DDC: variants seen among roughly 807,000 people sequenced by gnomAD.
DDC encodes the protein dopa decarboxylase.
A neutral mutation model predicts 60.0 loss-of-function variants in DDC; 43 were observed. That is an observed-to-expected ratio of 0.72 (90% CI 0.56 to 0.92). The LOEUF (loss-of-function observed/expected upper bound fraction) is 0.92, where lower values mean the gene tolerates loss of function less well. Among genes scored for constraint, DDC ranks in the 40% least tolerant of loss-of-function variants. The probability of loss-of-function intolerance (pLI) is 0.00; values close to 1 mark genes in which losing one functional copy is unlikely to be tolerated. For missense variants in DDC, 573 were observed against 620.2 expected (o/e 0.92, Z 0.81); for synonymous variants, 232 against 234.6 (o/e 0.99, Z 0.10).
At chr7:50,515,734 C>A (rs903532875) in intron 6 of DDC, among the ~76,000 whole-genome samples, 2 of 152,106 alleles carry the variant, frequency 1.3e-5, no homozygotes, top group African/African-American at 4.8e-5. Context: ...TGGAAAAAGG[C>A]ATTTCATGCA....
At chr7:50,475,810 C>T (rs2042629847) in intron 11 of DDC, among the ~76,000 whole-genome samples, 1 of 152,088 alleles carries the variant, frequency 6.6e-6, no homozygotes, top group South Asian at 2.1e-4. Context: ...CTGCCTCAGC[C>T]TCCGGGGTAG....
chr7:50,559,151 C>A (rs2045274877), intron 1 of DDC, among the ~76,000 whole-genome samples: 2 of 152,224 alleles, frequency 1.3e-5, no homozygotes, highest in South Asian at 4.1e-4. Flanking sequence ...AGCCTGATCC[C>A]CTTTACAGCA....
intron 1 of DDC, among the ~76,000 whole-genome samples, chr7:50,554,090 T>C (rs1341382567): frequency 6.6e-6 from 1 of 152,188 alleles, no homozygotes; most frequent in Non-Finnish European, 1.5e-5. Context: ...CACCACCAAG[T>C]GTCAGGCAGA....
intron 6 of DDC, among the ~76,000 whole-genome samples, chr7:50,504,731 G>A (rs948697750): frequency 6.6e-6 from 1 of 152,036 alleles, no homozygotes; most frequent in Non-Finnish European, 1.5e-5. Flanking sequence ...ACGTGTGTGT[G>A]TGCATACACC....
chr7:50,460,793 G>A (rs1026432679), intron 14 of DDC, among the ~76,000 whole-genome samples: 4 of 151,660 alleles, frequency 2.6e-5, no homozygotes, highest in Non-Finnish European at 5.9e-5. Context: ...GTCCACTCAG[G>A]GTTAAATGGA....
intron 13 of DDC, among the ~76,000 whole-genome samples, chr7:50,466,120 C>G (rs1174001188): frequency 6.6e-6 from 1 of 152,190 alleles, no homozygotes; most frequent in South Asian, 2.1e-4. Context: ...CTGACCCCAG[C>G]CTGCTCCTTC....
At chr7:50,465,532 T>C (rs1348463594) in intron 13 of DDC, among the ~76,000 whole-genome samples, 2 of 152,132 alleles carry the variant, frequency 1.3e-5, no homozygotes, top group Non-Finnish European at 2.9e-5. Flanking sequence ...CCACCACTCC[T>C]GACTAATTTT....
intron 6 of DDC, among the ~76,000 whole-genome samples, chr7:50,517,953 T>A (rs1049194026): frequency 2.0e-5 from 3 of 151,682 alleles, no homozygotes; most frequent in African/African-American, 7.3e-5. Flanking sequence ...CTCACACTTG[T>A]AATCCCAGCA....
chr7:50,511,730 A>G (rs1380647311), intron 6 of DDC, among the ~76,000 whole-genome samples: 5 of 152,312 alleles, frequency 3.3e-5, no homozygotes, highest in East Asian at 3.9e-4. Context: ...CTCCATCTCA[A>G]AAAGAAAAAA....
At chr7:50,474,511 C>T (rs529269112) in intron 11 of DDC, among the ~76,000 whole-genome samples, 1 of 152,284 alleles carries the variant, frequency 6.6e-6, no homozygotes, top group Non-Finnish European at 1.5e-5. Context: ...CTGCCACCTT[C>T]GTGGTCCTGC....
Position 50,547,603 on chromosome 7 carries a change from G to A in DDC, c.-28-3490C>T, listed in dbSNP as rs560208717. ...TCACAACATGTACCTCTATTGTTGA[G>A]CATTTATATTATTTCCAATTTTCAC... On this transcript the variant is annotated intron_variant, in intron 1 of 14. Transcript: ENST00000444124. 1.6e-3 allele frequency among the ~76,000 whole-genome samples: 247 copies of A among 152,244 alleles called. 8 individuals carry two copies. The South Asian group carries it at 0.051, about 31-fold the overall frequency.
At chr7:50,553,111 T>C (rs565332202) in intron 1 of DDC, among the ~76,000 whole-genome samples, 1 of 152,372 alleles carries the variant, frequency 6.6e-6, no homozygotes, top group East Asian at 1.9e-4. Flanking sequence ...CCACTGTGCA[T>C]GTGAGGTAGT....
Position 50,539,986 on chromosome 7 carries a change from T to G in DDC, c.244A>C (p.Thr82Pro), listed in dbSNP as rs1554433873. The part of the protein sequence containing the change: ...HSPYFFAYFP[T>P]ASSYPAMLAD... ...AGCATGGCCGGGTACGAGCTGGCAG[T>G]GGGGAAGTAGGCGAAGAAGTAGGGG... The change falls in exon 3 of 15, where the codon ACT becomes CCT. Residue 82 changes from threonine (T) to proline (P), a missense_variant. Transcript: ENST00000444124. 1 of 1,613,834 alleles carries G rather than the reference T, an allele frequency of 6.2e-7. No homozygotes were observed. The highest frequency in any genetic ancestry group is 2.2e-5 in the East Asian group (1 of 44,862).
chr7:50,563,316 CCACTTAAGA>C (rs1170566571), intron 1 of DDC, among the ~76,000 whole-genome samples: 1 of 152,054 alleles, frequency 6.6e-6, no homozygotes, highest in East Asian at 1.9e-4. Flanking sequence ...TTGCATAATG[CCACTTAAGA>C]CACTTAAGAA....
At chr7:50,499,270 C>T (rs1421392036) in intron 7 of DDC, 28 bp from the exon 8 acceptor site, 1 of 1,534,800 alleles carries the variant, frequency 6.5e-7, no homozygotes, top group Admixed American at 1.7e-5. Context: ...CTTGTGAGTC[C>T]CCAGATGGAT....
chr7:50,494,984 T>C (rs573039407), intron 9 of DDC, among the ~76,000 whole-genome samples: 1 of 152,286 alleles, frequency 6.6e-6, no homozygotes, highest in African/African-American at 2.4e-5. Context: ...TTTTAAGCAT[T>C]TGGACTCAGA....
intron 3 of DDC, among the ~76,000 whole-genome samples, chr7:50,538,680 C>A (rs1340204786): frequency 6.6e-6 from 1 of 152,362 alleles, no homozygotes; most frequent in Middle Eastern, 3.4e-3. Flanking sequence ...GGCAACGCAG[C>A]CTGAGAGATA....
At chr7:50,512,751 G>A (rs1162330235) in intron 6 of DDC, among the ~76,000 whole-genome samples, 3 of 152,192 alleles carry the variant, frequency 2.0e-5, no homozygotes, top group Non-Finnish European at 4.4e-5. Flanking sequence ...TTATCCAACT[G>A]AAGTGACTTC....
chr7:50,506,049 G>A (rs1426939937), intron 6 of DDC, among the ~76,000 whole-genome samples: 1 of 152,244 alleles, frequency 6.6e-6, no homozygotes, highest in Admixed American at 6.5e-5. Flanking sequence ...CTGTGTTGTG[G>A]TTTCCACAGG....
Sources: gnomAD v4.1 joint callset for allele counts (sites outside exome capture counted in the v4.1 genomes callset) on GRCh38, gnomAD v4.1.1 for gene constraint, MANE v1.5 for transcripts, NCBI Gene and HGNC (gene_info 2026-07-23, HGNC 2026-07-21) for gene names.